RXFP1: variants seen among roughly 807,000 people sequenced by gnomAD.
RXFP1 encodes relaxin receptor 1.
RXFP1 carries 73 observed loss-of-function variants against 89.8 expected under a neutral mutation model. The observed-to-expected ratio is 0.81, with a 90% CI of 0.67 to 0.99. The LOEUF (loss-of-function observed/expected upper bound fraction) is 0.99. Among genes scored for constraint, RXFP1 ranks in the 50% least tolerant of loss-of-function variants. The pLI, the probability that RXFP1 is intolerant of heterozygous loss-of-function variation, is 0.00. For missense variants in RXFP1, 793 were observed against 895.5 expected (o/e 0.89, Z 1.46); for synonymous variants, 277 against 305.5 (o/e 0.91, Z 0.97).
intron 1 of RXFP1, among the ~76,000 whole-genome samples, chr4:158,568,111 C>CA (rs1754098011): frequency 6.6e-6 from 1 of 152,110 alleles, no homozygotes; most frequent in Non-Finnish European, 1.5e-5. Context: ...CAAAGGCCTT[C>CA]AGCTTCACTC....
chr4:158,526,384 A>G lies in RXFP1; in HGVS notation c.49+4359A>G, dbSNP rs77323453. 5.3e-3 allele frequency among the ~76,000 whole-genome samples: 803 copies of G among 152,294 alleles called. 5 individuals carry two copies. The highest frequency in any genetic ancestry group is 0.018 in the African/African-American group (762 of 41,568). On this transcript the variant is annotated intron_variant, in intron 1 of 17. Coordinates refer to ENST00000307765, the MANE Select transcript of RXFP1 (RefSeq NM_021634.4). Reference sequence around the variant, plus strand: ...ACCCCAACAGCTCTATTTCCTGCCTATGTGTAGTGATCCCATACTCTTTCA... The same window carrying G: ...ACCCCAACAGCTCTATTTCCTGCCTGTGTGTAGTGATCCCATACTCTTTCA...
intron 2 of RXFP1, among the ~76,000 whole-genome samples, chr4:158,580,601 A>G (rs997220496): frequency 6.6e-6 from 1 of 152,138 alleles, no homozygotes; most frequent in African/African-American, 2.4e-5. Flanking sequence ...GCTCCTTGAA[A>G]GTATGAACAT....
At chr4:158,647,485 C>A (rs1424753914) in intron 16 of RXFP1, among the ~76,000 whole-genome samples, 1 of 152,158 alleles carries the variant, frequency 6.6e-6, no homozygotes, top group Non-Finnish European at 1.5e-5. Flanking sequence ...CATGGCAACA[C>A]ACATCTTTGG....
At chr4:158,636,494 C>T (rs1769186174) in intron 12 of RXFP1, among the ~76,000 whole-genome samples, 2 of 152,148 alleles carry the variant, frequency 1.3e-5, no homozygotes, top group Admixed American at 1.3e-4. Flanking sequence ...TTTATTAGGT[C>T]TCAGTCTATC....
intron 2 of RXFP1, among the ~76,000 whole-genome samples, chr4:158,588,222 CT>C (rs1393962020): frequency 2.0e-5 from 3 of 152,094 alleles, no homozygotes; most frequent in African/African-American, 4.8e-5. Context: ...AAAAAATGCA[CT>C]GCTTTTTCAC....
intron 12 of RXFP1, 120 bp from the exon 13 acceptor site, chr4:158,637,888 T>C: frequency 1.5e-6 from 1 of 651,534 alleles, no homozygotes; most frequent in South Asian, 1.8e-5. Context: ...TTTCATCCAT[T>C]ACGAGTTATT....
intron 2 of RXFP1, among the ~76,000 whole-genome samples, chr4:158,579,769 G>A (rs1756961498): frequency 1.3e-5 from 2 of 152,208 alleles, no homozygotes; most frequent in African/African-American, 2.4e-5. Flanking sequence ...TTTCCAATGA[G>A]CTGTTCTTAC....
chr4:158,545,288 A>G (rs1747998951), intron 1 of RXFP1, among the ~76,000 whole-genome samples: 1 of 151,474 alleles, frequency 6.6e-6, no homozygotes, highest in Non-Finnish European at 1.5e-5. Flanking sequence ...CCACTTTTTG[A>G]TGGGGTTGTT....
chr4:158,622,924 G>T (rs12505765), intron 9 of RXFP1, among the ~76,000 whole-genome samples: 47,302 of 152,098 alleles, frequency 0.31, 13,584 homozygotes, highest in African/African-American at 0.76. Flanking sequence ...GTAGTAATCA[G>T]TTTACTATGT....
intron 2 of RXFP1, among the ~76,000 whole-genome samples, chr4:158,574,597 G>T (rs1014372583): frequency 6.6e-6 from 1 of 152,204 alleles, no homozygotes; most frequent in African/African-American, 2.4e-5. Flanking sequence ...CATGGAAAAG[G>T]TTGAAGAAAT....
At chr4:158,549,709 G>T (rs573674507) in intron 1 of RXFP1, among the ~76,000 whole-genome samples, 5 of 152,304 alleles carry the variant, frequency 3.3e-5, no homozygotes, top group African/African-American at 9.6e-5. Flanking sequence ...GTTTGCTAGA[G>T]GTCCACTCCA....
At chr4:158,631,986 A>G (rs756255185) in intron 11 of RXFP1, among the ~76,000 whole-genome samples, 1 of 152,120 alleles carries the variant, frequency 6.6e-6, no homozygotes, top group Non-Finnish European at 1.5e-5. Context: ...CCAGCTACTC[A>G]GGAGGCTGAG....
chr4:158,539,288 A>C (rs1746020594), intron 1 of RXFP1, among the ~76,000 whole-genome samples: 1 of 152,296 alleles, frequency 6.6e-6, no homozygotes, highest in South Asian at 2.1e-4. Context: ...CAATGAGAAC[A>C]CATGGACACA....
chr4:158,633,504 C>T lies in RXFP1; in HGVS notation c.971+28C>T, dbSNP rs201490475. On this transcript the variant is annotated intron_variant, in intron 12 of 17. Transcript: ENST00000307765. Reference sequence around the variant, plus strand: ...AAGACTGATGTTAATTTTGCCACCTCGTTTCTTTATTTTATTATTTTTTAA... The same window carrying T: ...AAGACTGATGTTAATTTTGCCACCTTGTTTCTTTATTTTATTATTTTTTAA... 2.7e-5 allele frequency: 37 copies of T among 1,381,590 alleles called. No individual in the cohort carries two copies. In the South Asian group the frequency reaches 3.1e-4, roughly 11 times the overall value. 85.6% of individuals were successfully genotyped at this position (1,381,590 alleles called of 1,614,324 possible). A position where few individuals can be genotyped will look rare whatever the true frequency, so the allele number is the denominator to read the frequency against.
chr4:158,542,109 AT>A (rs56032847), intron 1 of RXFP1, among the ~76,000 whole-genome samples: 12 of 35,234 alleles, frequency 3.4e-4, no homozygotes, highest in African/African-American at 1.0e-3. Flanking sequence ...ATATATATAT[AT>A]TTTTTTTTTA....
Position 158,593,469 on chromosome 4 carries a change from T to C in RXFP1, c.256T>C (p.Tyr86His). The change falls in exon 3 of 18, where the codon TAT becomes CAT. Residue 86 changes from tyrosine to histidine, a missense_variant. Physicochemically the swap from Tyr to His is moderately conservative, Grantham distance 83. Transcript: ENST00000307765. Reference protein sequence around the residue: ...FASYYKMTSQYPFEAETPECL... With the variant: ...FASYYKMTSQHPFEAETPECL... ...CAGTTACTACAAAATGACTTCCCAATATCCTTTTGAGGCAGAAACACCTGA... is the reference window on the plus strand; with the variant it reads ...CAGTTACTACAAAATGACTTCCCAACATCCTTTTGAGGCAGAAACACCTGA... 1.9e-6 allele frequency: 3 copies of C among 1,610,338 alleles called. No individual in the cohort carries two copies. The highest frequency in any genetic ancestry group is 8.5e-7 in the Non-Finnish European group (1 of 1,177,220).
chr4:158,647,246 C>A, intron 16 of RXFP1, 45 bp downstream of exon 16: 1 of 1,453,214 alleles, frequency 6.9e-7, no homozygotes, highest in Non-Finnish European at 9.2e-7. Context: ...TATTTCAAAT[C>A]TTCCAACCAG....
In RXFP1 at chr4:158,544,588, T is replaced by A. The variant is rs560894791; in HGVS notation, c.49+22563T>A. 3.9e-5 allele frequency among the ~76,000 whole-genome samples: 6 copies of A among 152,176 alleles called. No individual in the cohort carries two copies. The South Asian group carries it at 1.2e-3, about 32-fold the overall frequency. ...ACATTAGGTATATACCCTAATGCTA[T>A]CCCTCCCCCTACCCCTACCCCCCAA... On this transcript the variant is annotated intron_variant, in intron 1 of 17. Coordinates refer to ENST00000307765, the MANE Select transcript of RXFP1 (RefSeq NM_021634.4).
Position 158,651,771 on chromosome 4 carries a change from TG to T in RXFP1, c.1993del (p.Val665Ter), listed in dbSNP as rs1772786238. ...TTCTTTTTTAGGTACCATAACCTCT[TG>T]GGTAGTGATTTTTATTCTGCCCATT... ...QVEIPGTITS[W>X]VVIFILPINS... On this transcript the variant is annotated frameshift_variant, in exon 18 of 18. Coordinates refer to ENST00000307765, the MANE Select transcript of RXFP1 (RefSeq NM_021634.4). LOFTEE classifies it high-confidence loss of function. 1 of 1,610,424 alleles carries T rather than the reference TG, an allele frequency of 6.2e-7. No homozygotes were observed. Among genetic ancestry groups the T allele is most frequent in the Non-Finnish European group, 8.5e-7 (1 of 1,178,298 alleles).
Sources: allele counts gnomAD v4.1 joint callset (sites outside exome capture counted in the v4.1 genomes callset), GRCh38; gene constraint gnomAD v4.1.1; transcripts MANE v1.5; gene names NCBI Gene and HGNC (gene_info 2026-07-23, HGNC 2026-07-21).